The following SLC44A5 variants were observed in gnomAD, a reference collection of about 807,000 sequenced individuals.
SLC44A5 encodes the protein choline transporter-like protein 5.
In SLC44A5, 57 loss-of-function variants were observed where a neutral mutation model predicts 101.8. The observed-to-expected ratio is 0.56, with a 90% CI of 0.45 to 0.70. SLC44A5 has a LOEUF of 0.70. Ranked by LOEUF, SLC44A5 falls within the 30% of genes least tolerant of loss-of-function variation. The pLI is 0.00. For missense variants in SLC44A5, 737 were observed against 853.1 expected (o/e 0.86, Z 1.70); for synonymous variants, 281 against 290.9 (o/e 0.97, Z 0.35).
At chr1:75,354,034 T>G (rs182372819) in intron 3 of SLC44A5, 7 of 324,656 alleles carry the variant, frequency 2.2e-5, no homozygotes, top group African/African-American at 1.5e-4. Flanking sequence ...ACTACTGATT[T>G]TTTAAATGAA....
the SLC44A5 span, among the ~76,000 whole-genome samples, chr1:75,646,961 C>A: frequency 6.6e-5 from 10 of 152,192 alleles, no homozygotes; most frequent in African/African-American, 2.4e-4. Context: ...ATGAGAAATT[C>A]AAGCCAGATG....
chr1:75,644,186 TAA>T, the SLC44A5 span, among the ~76,000 whole-genome samples: 2 of 152,200 alleles, frequency 1.3e-5, no homozygotes, highest in Non-Finnish European at 2.9e-5. Context: ...AAAATTTTAC[TAA>T]GATAGTAAAA....
At chr1:75,541,203 T>C (rs776634783) in intron 2 of SLC44A5, among the ~76,000 whole-genome samples, 30 of 152,150 alleles carry the variant, frequency 2.0e-4, no homozygotes, top group Non-Finnish European at 3.7e-4. Flanking sequence ...CAAGAATCAC[T>C]GCTATAGGGA....
rs142375054 is a variant in SLC44A5, at chr1:75,538,807, C to G, written c.13+2628G>C. On this transcript the variant is annotated intron_variant, in intron 2 of 23. Transcript: ENST00000370859. ...GAGGCAATTTTTTGTGCTAATTTAC[C>G]CAAGTCTCATCTTGGGTGTCCCAGG... Among the ~76,000 whole-genome samples, 869 of 152,180 alleles carry G rather than the reference C, an allele frequency of 5.7e-3. 16 individuals carry two copies. The highest frequency in any genetic ancestry group is 0.035 in the Admixed American group (536 of 15,282).
intron 1 of SLC44A5, among the ~76,000 whole-genome samples, chr1:75,561,554 C>CA (rs1385335599): frequency 2.0e-5 from 3 of 152,082 alleles, no homozygotes; most frequent in Non-Finnish European, 4.4e-5. Flanking sequence ...CATAGGTATT[C>CA]AATAAACACT....
At chr1:75,390,711 T>C (rs1055254110) in intron 3 of SLC44A5, among the ~76,000 whole-genome samples, 1 of 152,034 alleles carries the variant, frequency 6.6e-6, no homozygotes, top group African/African-American at 2.4e-5. Flanking sequence ...AATGAGCAAT[T>C]TATGAAAAAC....
intron 2 of SLC44A5, among the ~76,000 whole-genome samples, chr1:75,476,580 C>G (rs943718289): frequency 1.3e-5 from 2 of 152,228 alleles, no homozygotes; most frequent in Non-Finnish European, 2.9e-5. Flanking sequence ...GCTTAAAAAA[C>G]AGTGCACCAG....
chr1:75,510,249 CCAGA>C (rs1338042657), intron 2 of SLC44A5, among the ~76,000 whole-genome samples: 5 of 152,060 alleles, frequency 3.3e-5, no homozygotes, highest in Non-Finnish European at 5.9e-5. Flanking sequence ...CTAACGCACA[CCAGA>C]CAGTCATGAA....
chr1:75,441,567 G>GACCT (rs1665203949), intron 2 of SLC44A5, among the ~76,000 whole-genome samples: 1 of 151,332 alleles, frequency 6.6e-6, no homozygotes, highest in East Asian at 1.9e-4. Flanking sequence ...AAACATAATT[G>GACCT]AATTAAATTT....
chr1:75,549,178 T>C (rs1220176095), intron 1 of SLC44A5, among the ~76,000 whole-genome samples: 1 of 152,196 alleles, frequency 6.6e-6, no homozygotes, highest in African/African-American at 2.4e-5. Context: ...AATTCCCTTC[T>C]TGAATACAGT....
At position 75,378,186 on chromosome 1, in the gene SLC44A5, C is replaced by G. The variant is rs1268483913; in HGVS notation, c.52+18397G>C. On this transcript the variant is annotated intron_variant, in intron 3 of 23. Coordinates refer to ENST00000370859, the MANE Select transcript of SLC44A5 (RefSeq NM_001130058.2). ...AGTAAGCTTGTGCGCTCGGAAGAAG[C>G]TAGGGTGATAATAGGGCAAACTAAA... is the stretch of plus-strand genomic sequence containing the variant. Among the ~76,000 whole-genome samples the G allele has an allele frequency of 2.5e-5, 2 of 80,604 alleles. 1 individual carries two copies. The highest frequency in any genetic ancestry group is 2.4e-4 in the Admixed American group (2 of 8,164). 52.9% of individuals were successfully genotyped at this position (80,604 alleles called of 152,430 possible).
chr1:75,662,709 AATTAG>A, the SLC44A5 span, among the ~76,000 whole-genome samples: 3 of 152,080 alleles, frequency 2.0e-5, no homozygotes, highest in Non-Finnish European at 4.4e-5. Context: ...TGCCTTTCAC[AATTAG>A]AACAATTAAA....
intron 2 of SLC44A5, among the ~76,000 whole-genome samples, chr1:75,468,604 G>A (rs1445954899): frequency 6.6e-6 from 1 of 152,074 alleles, no homozygotes; most frequent in Non-Finnish European, 1.5e-5. Context: ...ACTTATTTGT[G>A]GAAACTAAAA....
chr1:75,612,866 T>A (rs1471015633), upstream of SLC44A5, among the ~76,000 whole-genome samples: 1 of 152,204 alleles, frequency 6.6e-6, no homozygotes, highest in Non-Finnish European at 1.5e-5. Context: ...CAGCTTGCAT[T>A]TATAAGACTT....
At position 75,383,190 on chromosome 1, in the gene SLC44A5, C is replaced by T. The variant is rs933277754; in HGVS notation, c.52+13393G>A. ...CTTTACATTGTCTATGATGCAAAGACCTTTGTTCACGTGTTTGTCTGCTGA... is the reference window on the plus strand; with the variant it reads ...CTTTACATTGTCTATGATGCAAAGATCTTTGTTCACGTGTTTGTCTGCTGA... On this transcript the variant is annotated intron_variant, in intron 3 of 23. Coordinates refer to ENST00000370859, the MANE Select transcript of SLC44A5 (RefSeq NM_001130058.2). 6.2e-5 allele frequency among the ~76,000 whole-genome samples: 6 copies of T among 96,914 alleles called. No homozygotes were observed. The East Asian group carries it at 1.4e-3, about 23-fold the overall frequency. The allele number at this position is 96,914 out of a possible 152,430, so 63.6% of individuals were successfully genotyped here.
At chr1:75,262,932 C>T (rs1650656720) in intron 6 of SLC44A5, among the ~76,000 whole-genome samples, 1 of 152,084 alleles carries the variant, frequency 6.6e-6, no homozygotes, top group South Asian at 2.1e-4. Flanking sequence ...TAGCCATATG[C>T]AGAAAGCTGA....
At chr1:75,302,135 T>A in intron 4 of SLC44A5, among the ~76,000 whole-genome samples, 1 of 145,428 alleles carries the variant, frequency 6.9e-6, no homozygotes, top group Non-Finnish European at 1.5e-5. Context: ...TTTTTTTTTT[T>A]TGGTTAACAA....
intron 12 of SLC44A5, among the ~76,000 whole-genome samples, chr1:75,231,327 T>C (rs1354060399): frequency 6.6e-6 from 1 of 152,190 alleles, no homozygotes; most frequent in African/African-American, 2.4e-5. Flanking sequence ...TTGGAGGAGA[T>C]TTCCTTTATT....
chr1:75,400,957 G>A (rs1212269094), intron 2 of SLC44A5, among the ~76,000 whole-genome samples: 4 of 152,144 alleles, frequency 2.6e-5, no homozygotes, highest in African/African-American at 9.7e-5. Context: ...CCTGATCTTG[G>A]CATGCCTATT....
Sources: gnomAD v4.1 joint callset for allele counts (sites outside exome capture counted in the v4.1 genomes callset) on GRCh38, gnomAD v4.1.1 for gene constraint, MANE v1.5 for transcripts, NCBI Gene and HGNC (gene_info 2026-07-23, HGNC 2026-07-21) for gene names.